Variants in ANO3 observed in about 807,000 individuals in gnomAD.
ANO3 encodes anoctamin 3, also known as anoctamin-3.
In ANO3, 99 loss-of-function variants were observed where a neutral mutation model predicts 144.8. That is an observed-to-expected ratio of 0.68 (90% confidence interval 0.58 to 0.81). The LOEUF (loss-of-function observed/expected upper bound fraction) is 0.81, where lower values mean the gene tolerates loss of function less well. Among genes scored for constraint, ANO3 ranks in the 30% least tolerant of loss-of-function variants. The pLI is 0.00. For synonymous variants in ANO3, 414 were observed against 392.6 expected, an observed-to-expected ratio of 1.05 and a Z score of -0.64; for missense variants, 905 against 1,202.2, an observed-to-expected ratio of 0.75 and a Z score of 3.66.
chr11:26,305,590 GA>G (rs965997193), upstream of ANO3, among the ~76,000 whole-genome samples: 7 of 152,054 alleles, frequency 4.6e-5, no homozygotes, highest in Admixed American at 4.6e-4. Flanking sequence ...CTTTTTCTCA[GA>G]AACCAATATT....
At chr11:26,593,477 G>T (rs1237034402) in intron 14 of ANO3, among the ~76,000 whole-genome samples, 1 of 152,180 alleles carries the variant, frequency 6.6e-6, no homozygotes, top group Non-Finnish European at 1.5e-5. Flanking sequence ...GTAAGACTAA[G>T]AAGGCCGCGC....
At chr11:26,659,079 TAC>T (rs145583088) in intron 26 of ANO3, among the ~76,000 whole-genome samples, 4,805 of 147,636 alleles carry the variant, frequency 0.033, 103 homozygotes, top group Non-Finnish European at 0.05. Flanking sequence ...CCTTGAGCCA[TAC>T]ACACACACAC....
In ANO3 at chr11:26,267,522, C is replaced by T. The variant is rs568816157; in HGVS notation, c.155-42123C>T. On this transcript the variant is annotated intron_variant, in intron 1 of 27. Coordinates refer to the ANO3 transcript ENST00000672621. ...TTGCATTATTTCATTTTTGGTTCAG[C>T]GGGTAACTGCAAAAATTCCTTTGCT... Among the ~76,000 whole-genome samples the T allele has an allele frequency of 4.6e-5, 7 of 152,194 alleles. No homozygotes were observed. In the East Asian group the frequency reaches 1.2e-3, roughly 25 times the overall value.
chr11:26,268,707 T>G lies in ANO3; in HGVS notation c.155-40938T>G, dbSNP rs149568136. Among the ~76,000 whole-genome samples the G allele has an allele frequency of 5.9e-5, 9 of 152,288 alleles. No individual in the cohort carries two copies. In the East Asian group the frequency reaches 1.7e-3, roughly 29 times the overall value. On this transcript the variant is annotated intron_variant, in intron 1 of 27. Transcript: ENST00000672621. ...TCAGCCGAAGAAGGTGCAACTCTCC[T>G]AGTTCTAGATCAGTGCGACCACAGC...
chr11:26,203,534 G>A (rs1312839529), intron 1 of ANO3, among the ~76,000 whole-genome samples: 1 of 152,094 alleles, frequency 6.6e-6, no homozygotes, highest in African/African-American at 2.4e-5. Context: ...ATGTGACAAG[G>A]CAAAGGGGCT....
intron 1 of ANO3, among the ~76,000 whole-genome samples, chr11:26,311,691 C>A (rs1214027607): frequency 1.3e-5 from 2 of 152,156 alleles, no homozygotes; most frequent in Non-Finnish European, 2.9e-5. Flanking sequence ...AAGCCCATGA[C>A]TGCTGTGTAC....
intron 1 of ANO3, among the ~76,000 whole-genome samples, chr11:26,196,492 C>T (rs958799101): frequency 6.6e-6 from 1 of 152,038 alleles, no homozygotes; most frequent in Admixed American, 6.6e-5. Flanking sequence ...AAAGCAAAAG[C>T]ATTTACAGAA....
intron 4 of ANO3, among the ~76,000 whole-genome samples, chr11:26,498,587 A>G (rs1861063169): frequency 6.6e-6 from 1 of 150,642 alleles, no homozygotes; most frequent in Admixed American, 6.6e-5. Flanking sequence ...CATATCAAAA[A>G]CCATATTATA....
intron 18 of ANO3, among the ~76,000 whole-genome samples, chr11:26,626,942 A>T (rs1852606134): frequency 6.6e-6 from 1 of 152,042 alleles, no homozygotes; most frequent in African/African-American, 2.4e-5. Context: ...TTTCTATGTC[A>T]TCCAGTTCCA....
In ANO3 at chr11:26,362,471, A is replaced by G. The variant is rs1034948025; in HGVS notation, c.46+30150A>G. On this transcript the variant is annotated intron_variant, in intron 1 of 26. Transcript: ENST00000256737. Reference sequence around the variant, plus strand: ...GTCAATTTATCTTAAAGGATGACCTATGGCAAGTAAAGCCTGCAGATTTTT... The same window carrying G: ...GTCAATTTATCTTAAAGGATGACCTGTGGCAAGTAAAGCCTGCAGATTTTT... Among the ~76,000 whole-genome samples the G allele has an allele frequency of 5.3e-5, 8 of 152,184 alleles. No individual in the cohort carries two copies. The South Asian group carries it at 6.2e-4, about 12-fold the overall frequency.
chr11:26,512,197 C>T (rs920234248), intron 5 of ANO3, among the ~76,000 whole-genome samples: 25 of 152,158 alleles, frequency 1.6e-4, no homozygotes, highest in Admixed American at 3.9e-4. Flanking sequence ...CTATCTTATC[C>T]TATGTTCTTT....
At chr11:26,442,819 T>G (rs1320729772) in intron 2 of ANO3, among the ~76,000 whole-genome samples, 1 of 152,134 alleles carries the variant, frequency 6.6e-6, no homozygotes, top group African/African-American at 2.4e-5. Context: ...CAGGCTGGAG[T>G]GCAGTGGGAC....
At chr11:26,566,086 A>G (rs1850571329) in intron 14 of ANO3, among the ~76,000 whole-genome samples, 1 of 151,880 alleles carries the variant, frequency 6.6e-6, no homozygotes, top group Non-Finnish European at 1.5e-5. Flanking sequence ...TTTCCACGTA[A>G]TCTTTCTTCC....
chr11:26,202,755 C>G (rs1268435499), intron 1 of ANO3, among the ~76,000 whole-genome samples: 1 of 151,944 alleles, frequency 6.6e-6, no homozygotes, highest in Non-Finnish European at 1.5e-5. Context: ...TTAATGCCAA[C>G]CCAGAAACCA....
At chr11:26,565,303 C>G (rs1244661946) in intron 14 of ANO3, 5 of 1,597,600 alleles carry the variant, frequency 3.1e-6, no homozygotes, top group Non-Finnish European at 2.6e-6. Context: ...CCACTTGGTT[C>G]CACTATCAAG....
intron 1 of ANO3, among the ~76,000 whole-genome samples, chr11:26,276,080 T>C (rs1319970233): frequency 6.6e-6 from 1 of 152,166 alleles, no homozygotes; most frequent in Non-Finnish European, 1.5e-5. Context: ...CTTGCTTGCT[T>C]GATGAAAGTA....
chr11:26,402,678 G>C (rs983052450), intron 1 of ANO3, among the ~76,000 whole-genome samples: 1 of 151,842 alleles, frequency 6.6e-6, no homozygotes, highest in Admixed American at 6.6e-5. Flanking sequence ...TGGACACATA[G>C]AGGGGAACAA....
At chr11:26,438,968 G>A (rs1858411817) in intron 1 of ANO3, among the ~76,000 whole-genome samples, 1 of 152,172 alleles carries the variant, frequency 6.6e-6, no homozygotes, top group South Asian at 2.1e-4. Flanking sequence ...AGACGTTGTG[G>A]TTTTGGCATA....
intron 4 of ANO3, among the ~76,000 whole-genome samples, chr11:26,470,856 T>C (rs561217545): frequency 1.2e-4 from 19 of 152,088 alleles, no homozygotes; most frequent in Admixed American, 4.6e-4. Flanking sequence ...CTCATACAGC[T>C]AATAAATGAC....
Sources: allele counts gnomAD v4.1 joint callset (sites outside exome capture counted in the v4.1 genomes callset), GRCh38; gene constraint gnomAD v4.1.1; transcripts MANE v1.5; gene names NCBI Gene and HGNC (gene_info 2026-07-23, HGNC 2026-07-21).